Variants in ADAM32 observed in about 807,000 individuals in gnomAD.
ADAM32 encodes the protein ADAM metallopeptidase domain 32, also known as disintegrin and metalloproteinase domain-containing protein 32.
ADAM32 carries 89 observed loss-of-function variants against 114.9 expected under a neutral mutation model. That is an observed-to-expected ratio of 0.77 (90% CI 0.65 to 0.92). The LOEUF is 0.92. ADAM32 is among the 40% of genes least tolerant of loss of function. The pLI, the probability that ADAM32 is intolerant of heterozygous loss-of-function variation, is 0.00. For synonymous variants in ADAM32, 285 were observed against 307.5 expected, an observed-to-expected ratio of 0.93 and a Z score of 0.77; for missense variants, 870 against 932.8, an observed-to-expected ratio of 0.93 and a Z score of 0.88.
chr8:39,224,700 T>A (rs1809229830), intron 14 of ADAM32, among the ~76,000 whole-genome samples: 1 of 152,174 alleles, frequency 6.6e-6, no homozygotes, highest in Non-Finnish European at 1.5e-5. Context: ...TTTATAAAAG[T>A]TGGCTTTTCA....
chr8:39,251,292 T>C (rs1811281505), intron 17 of ADAM32, among the ~76,000 whole-genome samples: 1 of 151,834 alleles, frequency 6.6e-6, no homozygotes, highest in African/African-American at 2.4e-5. Flanking sequence ...TTCCCACCTA[T>C]AGTGTGTGAG....
intron 2 of ADAM32, among the ~76,000 whole-genome samples, chr8:39,131,208 G>A (rs950635877): frequency 2.6e-5 from 4 of 152,026 alleles, no homozygotes; most frequent in Admixed American, 2.6e-4. Flanking sequence ...TGCCCGCCTC[G>A]GCCTCCTAAA....
intron 22 of ADAM32, among the ~76,000 whole-genome samples, chr8:39,279,829 C>T (rs1413604224): frequency 6.6e-6 from 1 of 152,176 alleles, no homozygotes; most frequent in Non-Finnish European, 1.5e-5. Flanking sequence ...AGCCCACCCT[C>T]AAGGGCAGTG....
intron 10 of ADAM32, among the ~76,000 whole-genome samples, chr8:39,183,539 A>G (rs1035515462): frequency 5.9e-5 from 9 of 152,188 alleles, no homozygotes; most frequent in African/African-American, 2.2e-4. Flanking sequence ...TTATCTAGCA[A>G]TTCCCATCCC....
Position 39,275,875 on chromosome 8 carries a change from A to G in ADAM32, c.2279+9A>G, listed in dbSNP as rs573340311. ...CAAGCTGATACTAGCAAGTAAGTGA[A>G]TTAGGGGGCATTTTTTTTATATAAT... is the stretch of plus-strand genomic sequence containing the variant. On this transcript the variant is annotated intron_variant, in intron 22 of 24. Coordinates refer to ENST00000379907, the MANE Select transcript of ADAM32 (RefSeq NM_145004.7). 3 of 1,546,296 alleles carry G rather than the reference A, an allele frequency of 1.9e-6. No homozygotes were observed. Among genetic ancestry groups the G allele is most frequent in the East Asian group, 4.8e-5 (2 of 41,434 alleles).
At chr8:39,261,977 A>G (rs192494151) in intron 19 of ADAM32, among the ~76,000 whole-genome samples, 39 of 152,184 alleles carry the variant, frequency 2.6e-4, no homozygotes, top group Middle Eastern at 3.4e-3. Context: ...ATATATTCTC[A>G]TATTCTGTAG....
intron 11 of ADAM32, among the ~76,000 whole-genome samples, chr8:39,205,263 G>A (rs375265843): frequency 1.3e-5 from 2 of 152,184 alleles, no homozygotes; most frequent in Non-Finnish European, 2.9e-5. Context: ...CTTGAGCTGC[G>A]GTGGGCTCCA....
At chr8:39,222,822 T>C (rs1809071122) in intron 13 of ADAM32, among the ~76,000 whole-genome samples, 1 of 152,162 alleles carries the variant, frequency 6.6e-6, no homozygotes, top group Non-Finnish European at 1.5e-5. Flanking sequence ...CAGATTTTTG[T>C]TTTGCATTTT....
intron 11 of ADAM32, among the ~76,000 whole-genome samples, chr8:39,201,522 T>A (rs1356804651): frequency 6.6e-6 from 1 of 152,168 alleles, no homozygotes; most frequent in Non-Finnish European, 1.5e-5. Context: ...TTAAGGAGAT[T>A]TTGGGCTGAG....
chr8:39,228,901 T>C (rs1362054007), intron 14 of ADAM32, among the ~76,000 whole-genome samples: 1 of 152,110 alleles, frequency 6.6e-6, no homozygotes, highest in African/African-American at 2.4e-5. Flanking sequence ...AAAGTTAAGA[T>C]GAAGGAAAGA....
intron 3 of ADAM32, among the ~76,000 whole-genome samples, chr8:39,139,884 C>T (rs1241320738): frequency 6.6e-6 from 1 of 152,038 alleles, no homozygotes; most frequent in Non-Finnish European, 1.5e-5. Flanking sequence ...TGAAGAGGTC[C>T]TTCACATCCC....
In ADAM32 at chr8:39,254,459, C is replaced by T. The variant is rs1021850339; in HGVS notation, c.1948C>T (p.Pro650Ser). ...NKCHCSPGYKPPNCQIRSKGF... is the reference protein window; with the variant it reads ...NKCHCSPGYKSPNCQIRSKGF... ...GTGCCATTGTTCGCCAGGCTATAAG[C>T]CTCCAAACTGCCAAATACGTTCCAA... The change falls in exon 18 of 25, where the codon CCT becomes TCT. Residue 650 changes from proline to serine, a missense_variant. By Grantham distance (74) the Pro-to-Ser change is moderately conservative. Coordinates refer to ENST00000379907, the MANE Select transcript of ADAM32 (RefSeq NM_145004.7). The T allele has an allele frequency of 3.7e-5, 59 of 1,602,632 alleles. No homozygotes were observed. Among genetic ancestry groups the T allele is most frequent in the Non-Finnish European group, 4.4e-5 (52 of 1,174,068 alleles).
chr8:39,194,550 C>T (rs545509194), intron 11 of ADAM32, among the ~76,000 whole-genome samples: 5 of 152,280 alleles, frequency 3.3e-5, no homozygotes, highest in African/African-American at 7.2e-5. Context: ...AGAGAGGGCA[C>T]AAGCAAGCTG....
chr8:39,235,760 C>G (rs1393301305), intron 16 of ADAM32, among the ~76,000 whole-genome samples: 1 of 152,108 alleles, frequency 6.6e-6, no homozygotes, highest in Non-Finnish European at 1.5e-5. Context: ...GCCAGGCAGA[C>G]AGTAGATACT....
intron 2 of ADAM32, among the ~76,000 whole-genome samples, chr8:39,120,729 A>G (rs1376271079): frequency 1.4e-5 from 2 of 145,302 alleles, no homozygotes; most frequent in Non-Finnish European, 3.0e-5. Flanking sequence ...GCCACTGCAC[A>G]TTAGCCTGGG....
chr8:39,126,105 C>T (rs940941810), intron 2 of ADAM32, among the ~76,000 whole-genome samples: 19 of 152,238 alleles, frequency 1.2e-4, no homozygotes, highest in African/African-American at 4.3e-4. Context: ...ATGCCTTCAG[C>T]TTCGTTCTTC....
intron 14 of ADAM32, 57 bp downstream of exon 14, chr8:39,223,295 G>T (rs994205709): frequency 7.0e-5 from 83 of 1,188,292 alleles, no homozygotes; most frequent in Admixed American, 1.1e-4. Context: ...ACATTACCAG[G>T]ATAATGGGGT....
chr8:39,129,342 G>T (rs1173654151), intron 2 of ADAM32, among the ~76,000 whole-genome samples: 1 of 151,968 alleles, frequency 6.6e-6, no homozygotes, highest in Non-Finnish European at 1.5e-5. Context: ...AACTAGTGAG[G>T]TTTTTGTAAA....
chr8:39,267,337 A>G (rs188434581), intron 19 of ADAM32, among the ~76,000 whole-genome samples: 121 of 152,176 alleles, frequency 8.0e-4, no homozygotes, highest in African/African-American at 2.8e-3. Flanking sequence ...AGATCATATG[A>G]TTGTATGTAC....
Sources: gnomAD v4.1 joint callset for allele counts (sites outside exome capture counted in the v4.1 genomes callset) on GRCh38, gnomAD v4.1.1 for gene constraint, MANE v1.5 for transcripts, NCBI Gene and HGNC (gene_info 2026-07-23, HGNC 2026-07-21) for gene names.